The following FPR3 variants were observed in gnomAD, a reference collection of about 807,000 sequenced individuals.
FPR3 encodes the protein N-formyl peptide receptor 3.
For missense variants in FPR3, 346 were observed against 443.2 expected, an observed-to-expected ratio of 0.78 and a Z score of 1.97; for synonymous variants, 135 against 163.6, an observed-to-expected ratio of 0.83 and a Z score of 1.34.
chr19:51,805,957 T>C (rs573310622), intron 1 of FPR3, among the ~76,000 whole-genome samples: 1 of 152,272 alleles, frequency 6.6e-6, no homozygotes, highest in South Asian at 2.1e-4. Context: ...AAAGTCGAGA[T>C]ATTATGTGTT....
intron 1 of FPR3, among the ~76,000 whole-genome samples, chr19:51,816,687 G>A (rs1249244270): frequency 6.6e-6 from 1 of 152,206 alleles, no homozygotes; most frequent in East Asian, 1.9e-4. Context: ...AGAAGTACAG[G>A]TGGCCACATG....
intron 1 of FPR3, among the ~76,000 whole-genome samples, chr19:51,810,139 G>A (rs1188781356): frequency 6.6e-6 from 1 of 152,138 alleles, no homozygotes; most frequent in Non-Finnish European, 1.5e-5. Context: ...CCACTTTAGG[G>A]TTTGACCCTT....
intron 1 of FPR3, among the ~76,000 whole-genome samples, chr19:51,798,687 C>G (rs1480918343): frequency 1.3e-5 from 2 of 152,128 alleles, no homozygotes; most frequent in African/African-American, 4.8e-5. Context: ...AGTCCCTGGG[C>G]CATGGATTCT....
intron 1 of FPR3, among the ~76,000 whole-genome samples, chr19:51,797,261 G>A (rs1422086605): frequency 6.6e-6 from 1 of 152,102 alleles, no homozygotes; most frequent in Admixed American, 6.6e-5. Context: ...AGTGGATTAA[G>A]GAGAACAGCT....
At chr19:51,815,090 G>A (rs900439137) in intron 1 of FPR3, among the ~76,000 whole-genome samples, 2 of 152,184 alleles carry the variant, frequency 1.3e-5, no homozygotes. Context: ...GATTGCAGGC[G>A]CGAGCCACCT....
intron 1 of FPR3, among the ~76,000 whole-genome samples, chr19:51,809,372 A>G (rs914391887): frequency 6.6e-6 from 1 of 152,250 alleles, no homozygotes; most frequent in East Asian, 1.9e-4. Flanking sequence ...TGACTGACAC[A>G]TCAGCTCCCG....
At chr19:51,800,597 T>C (rs560058655) in intron 1 of FPR3, among the ~76,000 whole-genome samples, 1 of 152,006 alleles carries the variant, frequency 6.6e-6, no homozygotes, top group Non-Finnish European at 1.5e-5. Flanking sequence ...CCCGGCAGAG[T>C]GTGATAAGGA....
intron 1 of FPR3, among the ~76,000 whole-genome samples, chr19:51,812,884 T>G (rs1174419647): frequency 6.6e-6 from 1 of 151,912 alleles, no homozygotes; most frequent in Non-Finnish European, 1.5e-5. Flanking sequence ...ATTTTGAGAG[T>G]CTGAGGTGGG....
chr19:51,807,219 G>C (rs566886906), intron 1 of FPR3, among the ~76,000 whole-genome samples: 6 of 150,904 alleles, frequency 4.0e-5, no homozygotes, highest in Admixed American at 1.3e-4. Context: ...CAGGAAGTGG[G>C]GGGGGTGGTT....
At chr19:51,805,523 A>T (rs2084052584) in intron 1 of FPR3, among the ~76,000 whole-genome samples, 1 of 152,202 alleles carries the variant, frequency 6.6e-6, no homozygotes, top group Non-Finnish European at 1.5e-5. Context: ...CACTTTTGTT[A>T]TATTCTAAGT....
At chr19:51,795,511 T>C (rs906692491) in intron 1 of FPR3, among the ~76,000 whole-genome samples, 180 bp downstream of exon 1, 5 of 111,718 alleles carry the variant, frequency 4.5e-5, no homozygotes, top group African/African-American at 1.1e-4. Context: ...ATTCTTTTTT[T>C]TTTTTTTTTT....
At chr19:51,806,809 A>G (rs1201373944) in intron 1 of FPR3, among the ~76,000 whole-genome samples, 1 of 152,252 alleles carries the variant, frequency 6.6e-6, no homozygotes, top group African/African-American at 2.4e-5. Flanking sequence ...AAGTGAAACA[A>G]ATTAAGCAGT....
rs746950422 is a variant in FPR3 at position 51,824,668 on chromosome 19, G to A, written c.920G>A (p.Arg307His). The A allele has an allele frequency of 1.2e-5, 20 of 1,613,932 alleles. No homozygotes were observed. The East Asian group carries it at 1.3e-4, about 11-fold the overall frequency. The stretch of plus-strand genomic sequence containing the variant: ...CCAATTCTCTACGTCTTTATGGGTC[G>A]TAACTTCCAAGAAAGACTGATTCGC... ...LNPILYVFMG[R>H]NFQERLIRSL... Residue 307 changes from arginine (R) to histidine (H), a missense_variant, in exon 2 of 2, where the codon CGT (arginine) becomes CAT (histidine). Physicochemically the swap from Arg to His is conservative, Grantham distance 29. Transcript: ENST00000339223. The surrounding 1 kb of genome is among the most constrained non-coding windows in gnomAD (Gnocchi z 4.7).
At chr19:51,799,092 GA>G (rs1023909091) in intron 1 of FPR3, among the ~76,000 whole-genome samples, 11 of 151,940 alleles carry the variant, frequency 7.2e-5, no homozygotes, top group Admixed American at 3.3e-4. Context: ...GGTGACAGAG[GA>G]AAAAAGGGAA....
intron 1 of FPR3, among the ~76,000 whole-genome samples, chr19:51,799,867 C>T (rs1180846094): frequency 1.3e-5 from 2 of 152,218 alleles, no homozygotes; most frequent in Admixed American, 6.5e-5. Context: ...AGTGGTCCGG[C>T]CTGTATTGGC....
intron 1 of FPR3, among the ~76,000 whole-genome samples, chr19:51,823,021 C>T (rs938857571): frequency 6.6e-6 from 1 of 152,092 alleles, no homozygotes; most frequent in Non-Finnish European, 1.5e-5. Context: ...TGCCACCACA[C>T]CTGGCTAATT....
At chr19:51,805,416 A>C (rs1438031979) in intron 1 of FPR3, among the ~76,000 whole-genome samples, 1 of 152,220 alleles carries the variant, frequency 6.6e-6, no homozygotes, top group Non-Finnish European at 1.5e-5. Context: ...GTGCCTATTT[A>C]AATCAAGAAT....
At chr19:51,805,196 T>G (rs76085451) in intron 1 of FPR3, 2 of 152,228 alleles carry the variant, frequency 1.3e-5, no homozygotes, top group African/African-American at 2.4e-5. Flanking sequence ...ATTGAAAGAA[T>G]GTAAGACCAG....
At chr19:51,804,935 T>C (rs1015542292) in intron 1 of FPR3, 9 of 152,290 alleles carry the variant, frequency 5.9e-5, no homozygotes, top group Non-Finnish European at 1.2e-4. Context: ...AAGAGGTCAG[T>C]TGGTTGGTCC....
Sources: allele counts gnomAD v4.1 joint callset (sites outside exome capture counted in the v4.1 genomes callset), GRCh38; gene constraint gnomAD v4.1.1; non-coding constraint Gnocchi (gnomAD v3.1); transcripts MANE v1.5; gene names NCBI Gene and HGNC (gene_info 2026-07-23, HGNC 2026-07-21).